Variants in ABTB3 observed in about 807,000 individuals in gnomAD.
ABTB3 encodes the protein ankyrin repeat- and BTB/POZ domain-containing protein 3.
chr12:107,459,137 C>T, the ABTB3 span, among the ~76,000 whole-genome samples: 1 of 152,204 alleles, frequency 6.6e-6, no homozygotes, highest in East Asian at 1.9e-4. Flanking sequence ...TCCCTGCCCC[C>T]CACAACCCTA....
the ABTB3 span, among the ~76,000 whole-genome samples, chr12:107,504,127 C>T: frequency 1.3e-5 from 2 of 152,150 alleles, no homozygotes; most frequent in African/African-American, 4.8e-5. Context: ...TAGAGTCCTC[C>T]TGTGGTTTAT....
chr12:107,434,242 A>G, the ABTB3 span, among the ~76,000 whole-genome samples: 1 of 152,228 alleles, frequency 6.6e-6, no homozygotes, highest in Admixed American at 6.5e-5. Context: ...ACCAGCTTCC[A>G]TCAGTCTATG....
At chr12:107,608,945 ATAAAATAAAATATAAAATAAAAT>A in the ABTB3 span, among the ~76,000 whole-genome samples, 153 of 81,674 alleles carry the variant, frequency 1.9e-3, no homozygotes, top group African/African-American at 2.6e-3. Flanking sequence ...AATAAAATAA[ATAAAATAAAATATAAAATAAAAT>A]ATAAAATAAA....
the ABTB3 span, chr12:107,642,141 G>T: frequency 6.2e-7 from 1 of 1,614,140 alleles, no homozygotes; most frequent in Non-Finnish European, 8.5e-7. Flanking sequence ...CCTGCATAGA[G>T]ATTGGTTATG....
At chr12:107,570,792 G>A in the ABTB3 span, among the ~76,000 whole-genome samples, 8 of 152,202 alleles carry the variant, frequency 5.3e-5, no homozygotes, top group South Asian at 1.7e-3. Context: ...CTCCAGCATT[G>A]CCTCCTACCA....
the ABTB3 span, chr12:107,543,813 A>G: frequency 2.3e-6 from 2 of 875,590 alleles, no homozygotes; most frequent in Middle Eastern, 3.5e-4. Context: ...TCAAGGTCCC[A>G]TTGAACCACT....
chr12:107,521,773 T>A, the ABTB3 span, among the ~76,000 whole-genome samples: 24 of 150,684 alleles, frequency 1.6e-4, no homozygotes, highest in Non-Finnish European at 2.4e-4. Context: ...CCTTTGCACT[T>A]ACTCTTCCCT....
At chr12:107,566,648 T>TAC in the ABTB3 span, among the ~76,000 whole-genome samples, 5,767 of 136,390 alleles carry the variant, frequency 0.042, 123 homozygotes, top group East Asian at 0.095. Context: ...CTAATTTAAA[T>TAC]ACACACACAC....
At chr12:107,574,502 G>T in the ABTB3 span, among the ~76,000 whole-genome samples, 63 of 152,254 alleles carry the variant, frequency 4.1e-4, no homozygotes, top group East Asian at 0.01. Context: ...GCAGGTGGAT[G>T]ACCTGAGGTC....
the ABTB3 span, among the ~76,000 whole-genome samples, chr12:107,346,482 T>G: frequency 9.5e-3 from 1,452 of 152,178 alleles, 14 homozygotes; most frequent in Non-Finnish European, 0.017. Context: ...TTTTTTCAGA[T>G]AGAGGCTTGC....
the ABTB3 span, among the ~76,000 whole-genome samples, chr12:107,551,562 A>G: frequency 6.6e-6 from 1 of 152,190 alleles, no homozygotes; most frequent in Non-Finnish European, 1.5e-5. Flanking sequence ...AATCTGGCCC[A>G]CTGTCTGTTT....
the ABTB3 span, among the ~76,000 whole-genome samples, chr12:107,645,803 A>C: frequency 1.3e-5 from 2 of 152,156 alleles, no homozygotes; most frequent in African/African-American, 4.8e-5. Flanking sequence ...GAGGCCTGTA[A>C]TTGCTTTTGA....
At chr12:107,348,907 G>T in the ABTB3 span, among the ~76,000 whole-genome samples, 2 of 152,156 alleles carry the variant, frequency 1.3e-5, no homozygotes, top group African/African-American at 2.4e-5. Context: ...GCAGCAGTGA[G>T]GGGGGGACCC....
the ABTB3 span, among the ~76,000 whole-genome samples, chr12:107,616,614 AC>A: frequency 2.6e-5 from 4 of 152,070 alleles, no homozygotes; most frequent in African/African-American, 9.7e-5. Flanking sequence ...GCCCCGGGAG[AC>A]CCCCAAAGTC....
chr12:107,415,781 T>C, the ABTB3 span, among the ~76,000 whole-genome samples: 1 of 152,060 alleles, frequency 6.6e-6, no homozygotes, highest in East Asian at 1.9e-4. Context: ...AGAACACTTG[T>C]CTAGGCCTGG....
At chr12:107,369,833 TA>T in the ABTB3 span, among the ~76,000 whole-genome samples, 1 of 148,304 alleles carries the variant, frequency 6.7e-6, no homozygotes, top group South Asian at 2.2e-4. Flanking sequence ...GTATTCTGAG[TA>T]GGGGAGCCCT....
At chr12:107,594,145 CTT>C in the ABTB3 span, among the ~76,000 whole-genome samples, 3 of 152,196 alleles carry the variant, frequency 2.0e-5, no homozygotes, top group Non-Finnish European at 4.4e-5. Context: ...ATTTTTGACT[CTT>C]TGAACATAAG....
the ABTB3 span, among the ~76,000 whole-genome samples, chr12:107,366,174 A>G: frequency 6.6e-6 from 1 of 152,142 alleles, no homozygotes; most frequent in African/African-American, 2.4e-5. Context: ...TGCCTCTTTG[A>G]ACCTTTTATC....
the ABTB3 span, among the ~76,000 whole-genome samples, chr12:107,465,789 C>T: frequency 1.3e-5 from 2 of 152,188 alleles, no homozygotes; most frequent in Non-Finnish European, 2.9e-5. Flanking sequence ...CCTAACATCC[C>T]TGACTTCCCT....
Sources: gnomAD v4.1 joint callset for allele counts (sites outside exome capture counted in the v4.1 genomes callset) on GRCh38, gnomAD v4.1.1 for gene constraint, MANE v1.5 for transcripts, NCBI Gene and HGNC (gene_info 2026-07-23, HGNC 2026-07-21) for gene names.